The following PRKCH variants were observed in gnomAD, a reference collection of about 807,000 sequenced individuals.
PRKCH encodes the protein protein kinase C eta, also known as protein kinase C eta type.
PRKCH carries 28 observed loss-of-function variants against 82.5 expected under a neutral mutation model. The ratio of observed to expected loss-of-function variants is 0.34; its 90% CI spans 0.25 to 0.47. The LOEUF is 0.47. Ranked by LOEUF, PRKCH falls within the 20% of genes least tolerant of loss-of-function variation. PRKCH has a pLI of 1.00. For synonymous variants in PRKCH, 322 were observed against 327.4 expected (o/e 0.98, Z 0.18); for missense variants, 705 against 881.8 (o/e 0.80, Z 2.54).
At chr14:61,443,520 A>G (rs1455240032) in intron 3 of PRKCH, among the ~76,000 whole-genome samples, 1 of 152,260 alleles carries the variant, frequency 6.6e-6, no homozygotes, top group Non-Finnish European at 1.5e-5. Flanking sequence ...TAAACTGGTC[A>G]ACAAGCATAA....
In PRKCH at chr14:61,252,868, C is replaced by G. The variant is rs190341606; in HGVS notation, c.-19+65200C>G. Among the ~76,000 whole-genome samples the G allele has an allele frequency of 3.0e-3, 459 of 152,178 alleles. 4 individuals are homozygous for G. Among genetic ancestry groups the G allele is most frequent in the African/African-American group, 0.011 (448 of 41,494 alleles). ...TCTCTCAGGCCTGAAAGTCTTTGTC[C>G]GTATTTCTTCATTCTGCAGCCTGAC... On this transcript the variant is annotated intron_variant, in intron 1 of 3. Coordinates refer to the PRKCH transcript ENST00000555185.
In PRKCH at chr14:61,503,343, T is replaced by TA. The variant is rs201958656; in HGVS notation, c.1433+17693dup. Among the ~76,000 whole-genome samples, 909 of 151,574 alleles carry TA rather than the reference T, an allele frequency of 6.0e-3. 17 individuals are homozygous for TA. The highest frequency in any genetic ancestry group is 0.021 in the African/African-American group (863 of 41,118). ...AATCTGGTTGAGTAATTCAGAAGGT[T>TA]AAAAAACAACCAAACAGAAATAAGT... On this transcript the variant is annotated intron_variant, in intron 10 of 13. Coordinates refer to ENST00000332981, the MANE Select transcript of PRKCH (RefSeq NM_006255.5).
At chr14:61,385,123 G>A in intron 1 of PRKCH, among the ~76,000 whole-genome samples, 1 of 151,294 alleles carries the variant, frequency 6.6e-6, no homozygotes. Flanking sequence ...GGGTTAGTGT[G>A]TTTATTGCTC....
chr14:61,253,988 TCCCTCC>T (rs1566795846), intron 1 of PRKCH, among the ~76,000 whole-genome samples: 1 of 44,062 alleles, frequency 2.3e-5, no homozygotes, highest in African/African-American at 8.2e-5. Flanking sequence ...CCTCCCTCCC[TCCCTCC>T]CTCCCTCCCT....
intron 12 of PRKCH, among the ~76,000 whole-genome samples, chr14:61,546,726 G>A (rs1267892302): frequency 6.6e-6 from 1 of 152,054 alleles, no homozygotes; most frequent in Non-Finnish European, 1.5e-5. Flanking sequence ...AGGTGCTTGG[G>A]GACTGTCATG....
chr14:61,433,690 T>C (rs901081913), intron 2 of PRKCH, among the ~76,000 whole-genome samples: 4 of 152,200 alleles, frequency 2.6e-5, no homozygotes, highest in African/African-American at 9.7e-5. Flanking sequence ...TGAAATATGA[T>C]TAAATGGTAA....
chr14:61,490,041 G>A lies in PRKCH; in HGVS notation c.1433+4385G>A, dbSNP rs7141600. ...TTCCTCCTCACCATGTTACCCCTGGGCACACAGCACTTTCCAACACATGCT... is the reference window on the plus strand; with the variant it reads ...TTCCTCCTCACCATGTTACCCCTGGACACACAGCACTTTCCAACACATGCT... On this transcript the variant is annotated intron_variant, in intron 10 of 13. Coordinates refer to ENST00000332981, the MANE Select transcript of PRKCH (RefSeq NM_006255.5). 4.6e-3 allele frequency among the ~76,000 whole-genome samples: 701 copies of A among 152,302 alleles called. 4 individuals carry two copies. Among genetic ancestry groups the A allele is most frequent in the African/African-American group, 0.016 (665 of 41,544 alleles).
chr14:61,485,918 C>T (rs1377964752), intron 10 of PRKCH, among the ~76,000 whole-genome samples: 1 of 152,200 alleles, frequency 6.6e-6, no homozygotes, highest in Non-Finnish European at 1.5e-5. Flanking sequence ...CGCACCACTA[C>T]ACATGGCTAA....
At position 61,278,975 on chromosome 14, in the gene PRKCH, TCACACACACACACA is replaced by T. The variant is rs71117806; in HGVS notation, c.-19+91332_-19+91345del. 1.1e-4 allele frequency: 16 copies of T among 140,350 alleles called. No homozygotes were observed. The South Asian group carries it at 3.0e-3, about 26-fold the overall frequency. 8.7% of individuals were successfully genotyped at this position (140,350 alleles called of 1,614,324 possible). On this transcript the variant is annotated intron_variant, in intron 1 of 3. Transcript: ENST00000555185. ...AAGGTATGAATGAAGCCCTTTCTAATCACACACACACACACACACACACACACACACACACACAA... is the reference window on the plus strand; with the variant it reads ...AAGGTATGAATGAAGCCCTTTCTAATCACACACACACACACACACACACAA...
chr14:61,494,557 A>G (rs750669038), intron 10 of PRKCH, among the ~76,000 whole-genome samples: 3 of 152,230 alleles, frequency 2.0e-5, no homozygotes, highest in African/African-American at 4.8e-5. Context: ...CCATCTGTAC[A>G]GTGGAGGTGC....
intron 10 of PRKCH, among the ~76,000 whole-genome samples, chr14:61,521,711 C>T (rs569256247): frequency 2.0e-5 from 3 of 152,186 alleles, no homozygotes; most frequent in South Asian, 2.1e-4. Flanking sequence ...GGGATTCAGG[C>T]GTAAGCCACT....
chr14:61,370,352 A>G (rs1174529541), intron 1 of PRKCH, among the ~76,000 whole-genome samples: 1 of 152,104 alleles, frequency 6.6e-6, no homozygotes, highest in East Asian at 1.9e-4. Context: ...GTGAAGGCAA[A>G]CTACAGTGGT....
At chr14:61,333,510 G>A (rs568505992) in intron 1 of PRKCH, among the ~76,000 whole-genome samples, 2 of 152,056 alleles carry the variant, frequency 1.3e-5, no homozygotes, top group Non-Finnish European at 2.9e-5. Flanking sequence ...TAGTTACTTA[G>A]TAGAAAACAG....
chr14:61,293,518 T>C (rs929294197), intron 1 of PRKCH, among the ~76,000 whole-genome samples: 1 of 152,238 alleles, frequency 6.6e-6, no homozygotes, highest in Non-Finnish European at 1.5e-5. Flanking sequence ...CAGCGTTTCT[T>C]CTGTCCAGCT....
chr14:61,198,811 G>T (rs2044459185), intron 1 of PRKCH, among the ~76,000 whole-genome samples: 1 of 152,214 alleles, frequency 6.6e-6, no homozygotes, highest in Admixed American at 6.5e-5. Context: ...CAGGATGTAA[G>T]GAAACTAAGG....
At chr14:61,270,589 A>G (rs2140085685) in intron 1 of PRKCH, among the ~76,000 whole-genome samples, 1 of 152,332 alleles carries the variant, frequency 6.6e-6, no homozygotes, top group Admixed American at 6.5e-5. Context: ...AAATTTCTTA[A>G]TGAGGTCGCA....
At chr14:61,400,516 A>G (rs1472913637) in intron 2 of PRKCH, among the ~76,000 whole-genome samples, 2 of 152,174 alleles carry the variant, frequency 1.3e-5, no homozygotes, top group Non-Finnish European at 2.9e-5. Context: ...AATTGAGGGA[A>G]TGGGAGAATA....
chr14:61,285,016 A>T (rs753909745), intron 1 of PRKCH, among the ~76,000 whole-genome samples: 5 of 152,220 alleles, frequency 3.3e-5, no homozygotes, highest in East Asian at 3.8e-4. Context: ...ATTGTTGGAC[A>T]TGTAGGTTAT....
chr14:61,207,752 C>T (rs1566780564), intron 1 of PRKCH, among the ~76,000 whole-genome samples: 1 of 152,148 alleles, frequency 6.6e-6, no homozygotes, highest in African/African-American at 2.4e-5. Context: ...TAGGCATTAT[C>T]AATACAGATA....
Sources: gnomAD v4.1 joint callset for allele counts (sites outside exome capture counted in the v4.1 genomes callset) on GRCh38, gnomAD v4.1.1 for gene constraint, MANE v1.5 for transcripts, NCBI Gene and HGNC (gene_info 2026-07-23, HGNC 2026-07-21) for gene names.